The following LRRN3 variants were observed in gnomAD, a reference collection of about 807,000 sequenced individuals.
LRRN3 encodes leucine-rich repeat neuronal protein 3.
Under a neutral mutation model 40.1 loss-of-function variants are expected in LRRN3, and 15 were observed. The observed-to-expected ratio is 0.37, with a 90% confidence interval of 0.25 to 0.58. LRRN3 has a LOEUF of 0.58. LRRN3 is among the 20% of genes least tolerant of loss of function. The pLI is 0.72. For missense variants in LRRN3, 746 were observed against 837.7 expected, an observed-to-expected ratio of 0.89 and a Z score of 1.35; for synonymous variants, 308 against 297.2, an observed-to-expected ratio of 1.04 and a Z score of -0.37.
chr7:111,117,544 A>G (rs1437454696), intron 2 of LRRN3, among the ~76,000 whole-genome samples: 1 of 152,132 alleles, frequency 6.6e-6, no homozygotes, highest in Non-Finnish European at 1.5e-5. Context: ...GAGTTGTCAT[A>G]TAAATTCAAA....
chr7:111,109,491 G>A (rs372175944), intron 2 of LRRN3, among the ~76,000 whole-genome samples: 1 of 152,100 alleles, frequency 6.6e-6, no homozygotes, highest in Admixed American at 6.5e-5. Context: ...CAACTAGTAA[G>A]GGGGCAATCA....
chr7:111,109,281 T>A (rs1261008625), intron 2 of LRRN3, among the ~76,000 whole-genome samples: 1 of 152,014 alleles, frequency 6.6e-6, no homozygotes, highest in Non-Finnish European at 1.5e-5. Flanking sequence ...CAAGTCAGGT[T>A]TCCAAGGTAT....
At chr7:111,108,354 G>T (rs536761929) in intron 2 of LRRN3, among the ~76,000 whole-genome samples, 46 of 152,112 alleles carry the variant, frequency 3.0e-4, no homozygotes, top group African/African-American at 9.9e-4. Context: ...CAATCATTAA[G>T]AATACATTTT....
Position 111,123,892 on chromosome 7 carries a change from T to C in LRRN3, c.1120T>C (p.Cys374Arg). 6.2e-7 allele frequency: 1 copy of C among 1,614,044 alleles called. No homozygotes were observed. ...SIHSNPIRCD[C>R]VIRWMNMNKT... is the part of the protein sequence containing the mutation. ...ACACAGTAACCCCATCAGGTGTGAC[T>C]GTGTCATCCGTTGGATGAACATGAA... Residue 374 changes from cysteine to arginine, a missense_variant, in exon 3 of 3, where the codon TGT becomes CGT. Cys to Arg is a radical substitution (Grantham distance 180, BLOSUM62 -3). Coordinates refer to ENST00000308478, the MANE Select transcript of LRRN3 (RefSeq NM_001099658.2). The surrounding 1 kb of genome is among the most constrained non-coding windows in gnomAD (Gnocchi z 6.4).
At position 111,124,659 on chromosome 7, in the gene LRRN3, T is replaced by G; in HGVS notation, c.1887T>G (p.Leu629=). 5 of 1,613,956 alleles carry G rather than the reference T, an allele frequency of 3.1e-6. No homozygotes were observed. The highest frequency in any genetic ancestry group is 4.2e-6 in the Non-Finnish European group (5 of 1,179,952). The change falls in exon 3 of 3, where the codon CTT becomes CTG. Residue 629 remains leucine (L), a synonymous_variant. Transcript: ENST00000308478. ...ATGAAAAGAATAATACCACAACACT[T>G]ATGGCCTGTCTTGGAGGCCTTCTGG... ...KEYEKNNTTT[L]MACLGGLLGI...
chr7:111,108,603 A>G lies in LRRN3; in HGVS notation c.-359+8641A>G, dbSNP rs192224870. The stretch of plus-strand genomic sequence containing the variant: ...TAATGAGAGTAGACATTGGCTTAGA[A>G]GAAATTTATGATTCTTTTTAAACAA... On this transcript the variant is annotated intron_variant, in intron 2 of 2. Transcript: ENST00000308478. 6.6e-4 allele frequency among the ~76,000 whole-genome samples: 101 copies of G among 152,310 alleles called. No individual in the cohort carries two copies. The East Asian group carries it at 0.016, about 24-fold the overall frequency.
At chr7:111,093,529 G>A (rs924934764) in intron 1 of LRRN3, among the ~76,000 whole-genome samples, 1 of 152,092 alleles carries the variant, frequency 6.6e-6, no homozygotes, top group African/African-American at 2.4e-5. Context: ...AAGTTTGCAT[G>A]CCAGACACAC....
chr7:111,111,292 G>A (rs1799161178), intron 2 of LRRN3, among the ~76,000 whole-genome samples: 1 of 134,572 alleles, frequency 7.4e-6, no homozygotes, highest in African/African-American at 3.0e-5. Context: ...TTCATGGGTA[G>A]CAGTTGTAAA....
chr7:111,115,234 AGAATTCCCCAG>A (rs1169025267), intron 2 of LRRN3, among the ~76,000 whole-genome samples: 11 of 152,198 alleles, frequency 7.2e-5, no homozygotes, highest in Admixed American at 3.9e-4. Context: ...ATTGTAAATT[AGAATTCCCCAG>A]TATATGGTGT....
chr7:111,123,862 A>T lies in LRRN3; in HGVS notation c.1090A>T (p.Ser364Cys). 6.2e-7 allele frequency: 1 copy of T among 1,614,014 alleles called. No individual in the cohort carries two copies. Among genetic ancestry groups the T allele is most frequent in the Non-Finnish European group, 8.5e-7 (1 of 1,179,994 alleles). The change falls in exon 3 of 3, where the codon AGC becomes TGC. Residue 364 changes from serine (S) to cysteine (C), a missense_variant. Coordinates refer to ENST00000308478, the MANE Select transcript of LRRN3 (RefSeq NM_001099658.2). This position sits in a 1 kb window ranked among gnomAD's most constrained non-coding sequence, Gnocchi z 6.4. ...GTCTCTGCCAAACCTCAAGGAAATC[A>T]GCATACACAGTAACCCCATCAGGTG... The part of the protein sequence containing the change: ...IESLPNLKEI[S>C]IHSNPIRCDC...
At chr7:111,096,139 G>C (rs962192086) in intron 1 of LRRN3, among the ~76,000 whole-genome samples, 2 of 151,898 alleles carry the variant, frequency 1.3e-5, no homozygotes, top group African/African-American at 4.8e-5. Context: ...ACCATTTACA[G>C]AGCAATTTTT....
chr7:111,119,717 CA>C (rs1046096366), intron 2 of LRRN3, among the ~76,000 whole-genome samples: 151 of 152,246 alleles, frequency 9.9e-4, no homozygotes, highest in African/African-American at 3.5e-3. Context: ...TCAGTTCATT[CA>C]AAACATTTCT....
At position 111,123,051 on chromosome 7, in the gene LRRN3, C is replaced by A. The variant is rs748917070; in HGVS notation, c.279C>A (p.Asn93Lys). 5.6e-6 allele frequency: 9 copies of A among 1,613,780 alleles called. No homozygotes were observed. Among genetic ancestry groups the A allele is most frequent in the South Asian group, 1.1e-5 (1 of 91,072 alleles). ...AATACTCCACAGACTTTCCAGTAAA[C>A]CTTACTGGCCTGGATTTATCTCAAA... ...KIEYSTDFPV[N>K]LTGLDLSQNN... Residue 93 changes from asparagine to lysine, a missense_variant, in exon 3 of 3, where the codon AAC becomes AAA. Asn to Lys is a moderately conservative substitution (Grantham distance 94). Coordinates refer to ENST00000308478, the MANE Select transcript of LRRN3 (RefSeq NM_001099658.2). The surrounding 1 kb of genome is among the most constrained non-coding windows in gnomAD (Gnocchi z 6.4).
Position 111,122,565 on chromosome 7 carries a change from C to T in LRRN3, c.-208C>T, listed in dbSNP as rs1045048925. 2 of 546,472 alleles carry T rather than the reference C, an allele frequency of 3.7e-6. No individual in the cohort carries two copies. The highest frequency in any genetic ancestry group is 3.5e-5 in the Admixed American group (1 of 28,982). 33.9% of individuals were successfully genotyped at this position (546,472 alleles called of 1,614,324 possible). ...TATTATATCATTAAGGAAATAGTAA[C>T]CTTCTCTTCTCCAATATGCATGACA... On this transcript the variant is annotated 5_prime_UTR_variant, in exon 3 of 3. Transcript: ENST00000308478.
At chr7:111,102,715 G>A (rs1331133975) in intron 2 of LRRN3, among the ~76,000 whole-genome samples, 1 of 151,410 alleles carries the variant, frequency 6.6e-6, no homozygotes, top group South Asian at 2.1e-4. Context: ...GAATAATCCA[G>A]CTTCTTCGTG....
chr7:111,099,816 G>T (rs1297769308), intron 1 of LRRN3, 65 bp from the exon 2 acceptor site: 1 of 151,638 alleles, frequency 6.6e-6, no homozygotes, highest in Admixed American at 6.6e-5. Context: ...AATAAAGAAG[G>T]ACATGTATAA....
intron 2 of LRRN3, among the ~76,000 whole-genome samples, chr7:111,101,782 G>C (rs888842245): frequency 6.6e-6 from 1 of 151,538 alleles, no homozygotes; most frequent in South Asian, 2.1e-4. Flanking sequence ...AATAGTCTCA[G>C]TTAATATGTA....
Position 111,091,317 on chromosome 7 carries a change from A to T in LRRN3, c.-628A>T, listed in dbSNP as rs1239584148. The T allele has an allele frequency of 6.6e-6, 1 of 152,192 alleles. No homozygotes were observed. Among genetic ancestry groups the T allele is most frequent in the African/African-American group, 2.4e-5 (1 of 41,446 alleles). The allele number at this position is 152,192 out of a possible 1,614,324, so 9.4% of individuals were successfully genotyped here. The stretch of plus-strand genomic sequence containing the variant: ...TGCCTTCCTTTATATTTTAAAATAG[A>T]GAGATAAGATTGCGTGCATGTGTGC... On this transcript the variant is annotated 5_prime_UTR_variant, in exon 1 of 3. Coordinates refer to ENST00000308478, the MANE Select transcript of LRRN3 (RefSeq NM_001099658.2).
At chr7:111,097,326 T>G (rs1797507327) in intron 1 of LRRN3, 1 of 151,892 alleles carries the variant, frequency 6.6e-6, no homozygotes, top group South Asian at 2.1e-4. Flanking sequence ...ACAAGTGACA[T>G]GAATAATAGT....
Sources: gnomAD v4.1 joint callset for allele counts (sites outside exome capture counted in the v4.1 genomes callset) on GRCh38, gnomAD v4.1.1 for gene constraint, Gnocchi (gnomAD v3.1) non-coding constraint, MANE v1.5 for transcripts, NCBI Gene and HGNC (gene_info 2026-07-23, HGNC 2026-07-21) for gene names.